The following SP100 variants were observed in gnomAD, a reference collection of about 807,000 sequenced individuals.
SP100 encodes the protein SP100 nuclear body protein, also known as nuclear autoantigen Sp-100.
Under a neutral mutation model 130.0 loss-of-function variants are expected in SP100, and 84 were observed. The ratio of observed to expected loss-of-function variants is 0.65; its 90% CI spans 0.54 to 0.77. The LOEUF (loss-of-function observed/expected upper bound fraction) is 0.77, where lower values mean the gene tolerates loss of function less well. SP100 is among the 30% of genes least tolerant of loss of function. SP100 has a pLI of 0.00. For missense variants in SP100, 978 were observed against 1,052.2 expected, an observed-to-expected ratio of 0.93 and a Z score of 0.97; for synonymous variants, 331 against 351.7, an observed-to-expected ratio of 0.94 and a Z score of 0.66.
chr2:230,542,040 G>C lies in SP100; in HGVS notation c.2547+5G>C, dbSNP rs756393712. On this transcript the variant is annotated splice_donor_5th_base_variant and intron_variant, in intron 28 of 28. Transcript: ENST00000340126. ...AACCACAAGGAATTTTACAGGGTGA[G>C]TGGCTCTCCCTGCTTCCTTTTCTCT... is the stretch of plus-strand genomic sequence containing the variant. The C allele has an allele frequency of 6.2e-7, 1 of 1,613,774 alleles. No homozygotes were observed. Among genetic ancestry groups the C allele is most frequent in the South Asian group, 1.1e-5 (1 of 91,000 alleles).
intron 9 of SP100, among the ~76,000 whole-genome samples, chr2:230,461,653 C>G (rs919284859): frequency 6.6e-6 from 1 of 151,976 alleles, no homozygotes; most frequent in Non-Finnish European, 1.5e-5. Flanking sequence ...GAGGCTATTT[C>G]TGAAGTCAGA....
At chr2:230,417,173 T>G (rs1300650744) in intron 1 of SP100, among the ~76,000 whole-genome samples, 1 of 152,204 alleles carries the variant, frequency 6.6e-6, no homozygotes, top group Non-Finnish European at 1.5e-5. Flanking sequence ...CAGCTTTTCT[T>G]ATATTTTTCT....
chr2:230,540,738 G>C, intron 25 of SP100, 138 bp from the exon 26 acceptor site: 1 of 1,090,846 alleles, frequency 9.2e-7, no homozygotes, highest in African/African-American at 1.6e-5. Context: ...TGGGGCTCTA[G>C]TGCAGAGGCC....
chr2:230,496,448 C>A (rs1368799309), intron 18 of SP100, among the ~76,000 whole-genome samples: 1 of 152,116 alleles, frequency 6.6e-6, no homozygotes, highest in African/African-American at 2.4e-5. Context: ...GTGTCTATTG[C>A]TTTCAGCTAA....
chr2:230,468,255 C>T (rs767386150), intron 13 of SP100, among the ~76,000 whole-genome samples: 1 of 152,054 alleles, frequency 6.6e-6, no homozygotes, highest in Non-Finnish European at 1.5e-5. Flanking sequence ...ACCTTCAAAG[C>T]CAGATGTACT....
chr2:230,483,445 A>G (rs1263180604), intron 17 of SP100, among the ~76,000 whole-genome samples: 1 of 152,152 alleles, frequency 6.6e-6, no homozygotes, highest in African/African-American at 2.4e-5. Context: ...GTTGGGCGGG[A>G]AGTGGTTTCT....
At chr2:230,428,446 CTT>C (rs556816962) in intron 2 of SP100, among the ~76,000 whole-genome samples, 63 of 145,088 alleles carry the variant, frequency 4.3e-4, no homozygotes, top group African/African-American at 9.0e-4. Context: ...GTGCTACACA[CTT>C]TTTTTTTTTT....
intron 17 of SP100, among the ~76,000 whole-genome samples, chr2:230,488,496 C>T (rs182666065): frequency 1.9e-3 from 286 of 152,314 alleles, no homozygotes; most frequent in Admixed American, 4.1e-3. Context: ...TCACTGCAAG[C>T]TCCGCCTCCC....
chr2:230,480,939 G>A (rs971791207), intron 17 of SP100, among the ~76,000 whole-genome samples: 3 of 151,156 alleles, frequency 2.0e-5, no homozygotes, highest in African/African-American at 7.3e-5. Context: ...TTGTCTTCTG[G>A]AACACCCCAA....
At chr2:230,494,272 A>G in intron 17 of SP100, 144 bp from the exon 18 acceptor site, 1 of 676,590 alleles carries the variant, frequency 1.5e-6, no homozygotes. Flanking sequence ...ACAACAACCA[A>G]GATGGGATGT....
intron 8 of SP100, among the ~76,000 whole-genome samples, chr2:230,453,175 G>A (rs922173453): frequency 6.6e-6 from 1 of 152,304 alleles, no homozygotes; most frequent in East Asian, 1.9e-4. Context: ...GCAAGGAGAA[G>A]TACAGTGCAA....
In SP100 at chr2:230,462,497, T is replaced by A. The variant is rs747385652; in HGVS notation, c.1036T>A (p.Ser346Thr). ...DVDEPLEVFI[S>T]APRSEPVINN... ...TGATGAGCCCTTAGAAGTCTTCATC[T>A]CAGCACCGAGAAGTGAGCCTGGTAA... The change falls in exon 10 of 29, where the codon TCA (serine) becomes ACA (threonine). Residue 346 changes from serine to threonine, a missense_variant. Ser to Thr is a moderately conservative substitution (Grantham distance 58, BLOSUM62 1). Transcript: ENST00000340126. 1.7e-5 allele frequency: 27 copies of A among 1,613,596 alleles called. 1 individual carries two copies. The Middle Eastern group carries it at 1.2e-3, about 69-fold the overall frequency.
intron 2 of SP100, among the ~76,000 whole-genome samples, chr2:230,430,900 G>T (rs1007486856): frequency 2.6e-5 from 4 of 152,218 alleles, no homozygotes; most frequent in African/African-American, 7.2e-5. Context: ...AGGCAGGGTG[G>T]CTGGCTTGAT....
Position 230,473,377 on chromosome 2 carries a change from C to T in SP100, c.1483C>T (p.Pro495Ser), listed in dbSNP as rs775087274. 1.9e-6 allele frequency: 3 copies of T among 1,613,920 alleles called. No individual in the cohort carries two copies. Among genetic ancestry groups the T allele is most frequent in the Non-Finnish European group, 2.5e-6 (3 of 1,179,866 alleles). Residue 495 changes from proline (P) to serine (S), a missense_variant, in exon 16 of 29, where the codon CCA becomes TCA. Transcript: ENST00000340126. ...GAAGTGCTCCTGTGTCATGTGTTTT[C>T]CAAAAGGTGTGCCAAGAAGCCAAGA... ...NKKCSCVMCF[P>S]KGVPRSQEAR...
chr2:230,435,586 T>A (rs2063237780), intron 2 of SP100, among the ~76,000 whole-genome samples: 1 of 152,164 alleles, frequency 6.6e-6, no homozygotes. Context: ...AGTTCGGGGG[T>A]ACATGTGCAG....
At chr2:230,529,893 A>T (rs1272333265) in intron 24 of SP100, among the ~76,000 whole-genome samples, 2 of 152,212 alleles carry the variant, frequency 1.3e-5, no homozygotes, top group East Asian at 3.8e-4. Context: ...GACCTCTTCA[A>T]GGAGAACTAC....
At chr2:230,526,170 T>G (rs928751628) in intron 24 of SP100, among the ~76,000 whole-genome samples, 1 of 152,026 alleles carries the variant, frequency 6.6e-6, no homozygotes, top group Non-Finnish European at 1.5e-5. Context: ...CACGGACACC[T>G]CAAACAGGCA....
intron 18 of SP100, among the ~76,000 whole-genome samples, chr2:230,495,363 C>T (rs1244049103): frequency 6.6e-6 from 1 of 152,148 alleles, no homozygotes; most frequent in African/African-American, 2.4e-5. Context: ...GGCTCTGTCA[C>T]CCAGGCTGGA....
At position 230,443,664 on chromosome 2, in the gene SP100, T is replaced by C. The variant is rs541885313; in HGVS notation, c.271-514T>C. 1.0e-3 allele frequency among the ~76,000 whole-genome samples: 159 copies of C among 152,324 alleles called. 1 individual carries two copies. Among genetic ancestry groups the C allele is most frequent in the Non-Finnish European group, 1.8e-3 (123 of 68,030 alleles). On this transcript the variant is annotated intron_variant, in intron 3 of 28. Coordinates refer to ENST00000340126, the MANE Select transcript of SP100 (RefSeq NM_001080391.2). The stretch of plus-strand genomic sequence containing the variant: ...TTTGTGCATTTCTGGAGTCTTGGAA[T>C]ATGGGTAAATTCCACCCATAGGCCC...
Sources: allele counts gnomAD v4.1 joint callset (sites outside exome capture counted in the v4.1 genomes callset), GRCh38; gene constraint gnomAD v4.1.1; transcripts MANE v1.5; gene names NCBI Gene and HGNC (gene_info 2026-07-23, HGNC 2026-07-21).